The following IQGAP1 variants were observed in gnomAD, a reference collection of about 807,000 sequenced individuals.
IQGAP1 encodes IQ motif containing GTPase activating protein 1, also known as ras GTPase-activating-like protein IQGAP1.
In IQGAP1, 66 loss-of-function variants were observed where a neutral mutation model predicts 215.6. That is an observed-to-expected ratio of 0.31 (90% CI 0.25 to 0.38). IQGAP1 has a LOEUF of 0.38. IQGAP1 is among the 10% of genes least tolerant of loss of function. The pLI is 1.00. For synonymous variants in IQGAP1, 772 were observed against 728.7 expected (o/e 1.06, Z -0.96); for missense variants, 1,712 against 1,997.1 (o/e 0.86, Z 2.72).
Position 90,474,478 on chromosome 15 carries a change from C to A in IQGAP1, c.2576-7C>A. 1.2e-6 allele frequency: 2 copies of A among 1,610,272 alleles called. No homozygotes were observed. The highest frequency in any genetic ancestry group is 2.2e-5 in the South Asian group (2 of 90,974). ...AACTCCATTCTTTGATGCATACTTT[C>A]TGTCAGTCAATGCTGAGGATCCTCC... is the stretch of plus-strand genomic sequence containing the variant. On this transcript the variant is annotated splice_polypyrimidine_tract_variant and splice_region_variant and intron_variant, in intron 22 of 37. Coordinates refer to ENST00000268182, the MANE Select transcript of IQGAP1 (RefSeq NM_003870.4).
At chr15:90,395,956 G>C (rs911523354) in intron 2 of IQGAP1, among the ~76,000 whole-genome samples, 34 of 152,306 alleles carry the variant, frequency 2.2e-4, no homozygotes, top group African/African-American at 7.9e-4. Flanking sequence ...CCTTTCTGCT[G>C]CTGAGTGCCC....
intron 15 of IQGAP1, among the ~76,000 whole-genome samples, chr15:90,460,451 C>T (rs1965745793): frequency 1.3e-5 from 2 of 152,100 alleles, no homozygotes; most frequent in South Asian, 4.1e-4. Flanking sequence ...TTGACAATTG[C>T]TTTTGGAGAA....
intron 10 of IQGAP1, 68 bp from the exon 11 acceptor site, chr15:90,449,491 A>T (rs1965571011): frequency 1.6e-6 from 2 of 1,288,498 alleles, no homozygotes; most frequent in East Asian, 2.5e-5. Context: ...CTTTTGAGAG[A>T]TGAGAACCTT....
intron 30 of IQGAP1, among the ~76,000 whole-genome samples, chr15:90,485,050 T>C (rs1270653931): frequency 6.6e-6 from 1 of 152,228 alleles, no homozygotes; most frequent in Admixed American, 6.5e-5. Context: ...GAATACTAGC[T>C]TTCTCTGTGT....
intron 19 of IQGAP1, 27 bp from the exon 20 acceptor site, chr15:90,473,688 G>A (rs1965936675): frequency 1.3e-6 from 2 of 1,515,080 alleles, no homozygotes; most frequent in African/African-American, 1.4e-5. Flanking sequence ...GAAGTAATAT[G>A]TCTTCTGTAA....
At chr15:90,487,147 T>C (rs1966138106) in intron 32 of IQGAP1, 58 bp downstream of exon 32, 2 of 1,579,488 alleles carry the variant, frequency 1.3e-6, no homozygotes, top group African/African-American at 1.3e-5. Context: ...TCTTGGCCTT[T>C]GGAGAGGAAC....
At chr15:90,474,245 G>A in intron 22 of IQGAP1, 112 bp downstream of exon 22, 2 of 995,420 alleles carry the variant, frequency 2.0e-6, no homozygotes, top group Non-Finnish European at 2.9e-6. Context: ...TGGGGGAGAG[G>A]GTGTGACCTG....
intron 2 of IQGAP1, among the ~76,000 whole-genome samples, chr15:90,422,664 A>ATATATATATATATATATG (rs1555435962): frequency 4.9e-5 from 6 of 121,442 alleles, no homozygotes; most frequent in East Asian, 2.9e-4. Flanking sequence ...ATATATGTAT[A>ATATATATATATATATATG]TATATATATA....
At chr15:90,474,325 C>T (rs1426181431) in intron 22 of IQGAP1, 160 bp from the exon 23 acceptor site, 2 of 754,856 alleles carry the variant, frequency 2.6e-6, no homozygotes, top group African/African-American at 1.7e-5. Flanking sequence ...TTTATCATAA[C>T]ATAGCAATAG....
rs747951679 is a variant in IQGAP1 at position 90,483,565 on chromosome 15, T to C, written c.3760T>C (p.Tyr1254His). The change falls in exon 29 of 38, where the codon TAT becomes CAT. Residue 1254 changes from tyrosine (Y) to histidine (H), a missense_variant. Physicochemically the swap from Tyr to His is moderately conservative, Grantham distance 83. This residue lies in a region of IQGAP1 where 691 missense variants were observed against 923.0 expected (regional missense o/e 0.75). Transcript: ENST00000268182. Reference sequence around the variant, plus strand: ...TGCCCACTTAAGCATCATTAATGAATATCTTTCCCAGTCCTACCAGAAATT... The same window carrying C: ...TGCCCACTTAAGCATCATTAATGAACATCTTTCCCAGTCCTACCAGAAATT... ...DNAHLSIINEYLSQSYQKFRR... is the reference protein window; with the variant it reads ...DNAHLSIINEHLSQSYQKFRR... 6.2e-7 allele frequency: 1 copy of C among 1,612,960 alleles called. No homozygotes were observed. Among genetic ancestry groups the C allele is most frequent in the Non-Finnish European group, 8.5e-7 (1 of 1,179,562 alleles).
intron 1 of IQGAP1, among the ~76,000 whole-genome samples, chr15:90,390,300 C>T (rs1041399951): frequency 6.6e-6 from 1 of 152,222 alleles, no homozygotes; most frequent in Admixed American, 6.5e-5. Flanking sequence ...GTTCACCCAG[C>T]CTCAGTTTCT....
At chr15:90,445,137 TAA>T (rs1567128523) in intron 9 of IQGAP1, among the ~76,000 whole-genome samples, 3 of 151,334 alleles carry the variant, frequency 2.0e-5, no homozygotes, top group Non-Finnish European at 4.4e-5. Context: ...ATTAATTAAT[TAA>T]TTTTTTTTTT....
chr15:90,491,656 C>T (rs1016739510), intron 34 of IQGAP1, 111 bp downstream of exon 34: 1 of 816,306 alleles, frequency 1.2e-6, no homozygotes, highest in Non-Finnish European at 2.0e-6. Context: ...CAAATTAGTG[C>T]CCTCCTCTAT....
At chr15:90,405,108 G>A (rs540520154) in intron 2 of IQGAP1, among the ~76,000 whole-genome samples, 25 of 152,252 alleles carry the variant, frequency 1.6e-4, no homozygotes, top group African/African-American at 5.1e-4. Context: ...TTTGGTGTGA[G>A]GAGTAAGATA....
At chr15:90,454,297 A>T in intron 13 of IQGAP1, 131 bp from the exon 14 acceptor site, 1 of 936,762 alleles carries the variant, frequency 1.1e-6, no homozygotes, top group Non-Finnish European at 1.6e-6. Flanking sequence ...CACTTTGTTT[A>T]AAGTAACTGT....
intron 26 of IQGAP1, among the ~76,000 whole-genome samples, chr15:90,480,053 T>C (rs1454860659): frequency 6.6e-6 from 1 of 151,920 alleles, no homozygotes; most frequent in Non-Finnish European, 1.5e-5. Context: ...GGTTTTCTTG[T>C]GGGTACCTAT....
At chr15:90,395,506 G>A (rs1356151329) in intron 2 of IQGAP1, among the ~76,000 whole-genome samples, 1 of 152,110 alleles carries the variant, frequency 6.6e-6, no homozygotes, top group Non-Finnish European at 1.5e-5. Context: ...ATTTTTAGTA[G>A]AGACGGGGTT....
chr15:90,446,830 A>G (rs1368807858), intron 9 of IQGAP1, among the ~76,000 whole-genome samples: 1 of 152,210 alleles, frequency 6.6e-6, no homozygotes, highest in Non-Finnish European at 1.5e-5. Flanking sequence ...AATTAGAGTT[A>G]TATAACTAAA....
intron 15 of IQGAP1, among the ~76,000 whole-genome samples, chr15:90,457,817 G>A (rs1369663520): frequency 3.9e-5 from 6 of 152,090 alleles, no homozygotes; most frequent in Non-Finnish European, 8.8e-5. Context: ...TATACATTTT[G>A]GAGAGGAGTT....
Sources: gnomAD v4.1 joint callset for allele counts (sites outside exome capture counted in the v4.1 genomes callset) on GRCh38, gnomAD v4.1.1 for gene constraint, gnomAD v4.1.1 regional missense constraint, MANE v1.5 for transcripts, NCBI Gene and HGNC (gene_info 2026-07-23, HGNC 2026-07-21) for gene names.